Variants in FOXP1 observed in about 807,000 individuals in gnomAD.
The protein encoded by FOXP1 is forkhead box P1.
Under a neutral mutation model 98.2 loss-of-function variants are expected in FOXP1, and 15 were observed. The observed-to-expected ratio is 0.15, with a 90% CI of 0.10 to 0.24. FOXP1 has a LOEUF of 0.24. Ranked by LOEUF, FOXP1 falls within the 10% of genes least tolerant of loss-of-function variation. The probability of loss-of-function intolerance (pLI) is 1.00; values close to 1 mark genes in which losing one functional copy is unlikely to be tolerated. For synonymous variants in FOXP1, 371 were observed against 314.5 expected (o/e 1.18, Z -1.90); for missense variants, 633 against 848.5 (o/e 0.75, Z 3.15).
At chr3:70,969,896 A>G (rs977149851) in intron 19 of FOXP1, 1 of 152,270 alleles carries the variant, frequency 6.6e-6, no homozygotes, top group Non-Finnish European at 1.5e-5. Flanking sequence ...ACCACTGGCC[A>G]AAAGGATACT....
Position 71,549,229 on chromosome 3 carries a change from C to T in FOXP1, c.-298+32320G>A, listed in dbSNP as rs549780798. Among the ~76,000 whole-genome samples, 56 of 152,220 alleles carry T rather than the reference C, an allele frequency of 3.7e-4. 1 individual carries two copies. The highest frequency in any genetic ancestry group is 1.2e-3 in the African/African-American group (51 of 41,530). ...ATACACCACTTAGAACTAACACAAC[C>T]GAAAGAATGATAAATTAAATAACCT... On this transcript the variant is annotated intron_variant, in intron 2 of 20. Coordinates refer to ENST00000649528, the MANE Select transcript of FOXP1 (RefSeq NM_001349338.3).
rs562458657 is a variant in FOXP1, at chr3:71,185,507, T to C, written c.180+12695A>G. 2.0e-5 allele frequency among the ~76,000 whole-genome samples: 3 copies of C among 152,322 alleles called. No individual in the cohort carries two copies. The South Asian group carries it at 6.2e-4, about 32-fold the overall frequency. ...ATTCAATATAAACGTTTGTGAAATA[T>C]GGACAACACCAACTAAATTATCACA... On this transcript the variant is annotated intron_variant, in intron 6 of 20. Coordinates refer to ENST00000649528, the MANE Select transcript of FOXP1 (RefSeq NM_001349338.3).
At chr3:71,532,081 C>T (rs2043898605) in intron 2 of FOXP1, among the ~76,000 whole-genome samples, 1 of 152,170 alleles carries the variant, frequency 6.6e-6, no homozygotes. Context: ...GTTCCTCCAT[C>T]ACCTGGCACA....
chr3:70,965,966 C>A lies in FOXP1; in HGVS notation c.1813G>T (p.Glu605Ter). 1 of 1,614,148 alleles carries A rather than the reference C, an allele frequency of 6.2e-7. No individual in the cohort carries two copies. The highest frequency in any genetic ancestry group is 8.5e-7 in the Non-Finnish European group (1 of 1,180,024). ...LGNLASAIREELNGAMEHTNS... is the reference protein window; with the variant it reads ...LGNLASAIRE ...GTATGCTCCATTGCCCCGTTCAGCT[C>A]TTCCCGTATTGCGCTGGCTAAGTTG... is the stretch of plus-strand genomic sequence containing the variant. The change falls in exon 20 of 21, where the codon GAG (glutamate) becomes TAG (stop). Residue 605 changes from glutamate to a stop codon, truncating the protein, a stop_gained. Coordinates refer to ENST00000649528, the MANE Select transcript of FOXP1 (RefSeq NM_001349338.3). LOFTEE classifies it high-confidence loss of function.
chr3:71,419,559 T>C (rs1158736540), intron 3 of FOXP1, among the ~76,000 whole-genome samples: 4 of 152,060 alleles, frequency 2.6e-5, no homozygotes, highest in Admixed American at 6.5e-5. Flanking sequence ...TGGATCTCCA[T>C]GAACATTCTT....
At chr3:71,311,103 A>G (rs1231548477) in intron 4 of FOXP1, among the ~76,000 whole-genome samples, 3 of 152,202 alleles carry the variant, frequency 2.0e-5, no homozygotes, top group South Asian at 2.1e-4. Flanking sequence ...TTTTTGAGAC[A>G]TGGTCTCACT....
At chr3:71,583,791 G>T, upstream of FOXP1, 1 of 986,842 alleles carries the variant, frequency 1.0e-6, no homozygotes, top group Non-Finnish European at 1.2e-6. Context: ...GCTTCCCGGA[G>T]CCCAGCCAGC....
intron 3 of FOXP1, among the ~76,000 whole-genome samples, chr3:71,387,406 T>C (rs1235596968): frequency 6.6e-6 from 1 of 152,258 alleles, no homozygotes; most frequent in Non-Finnish European, 1.5e-5. Context: ...TAACTCAATA[T>C]TGTATTGCTA....
intron 6 of FOXP1, among the ~76,000 whole-genome samples, chr3:71,179,659 T>C (rs953950209): frequency 1.2e-4 from 18 of 152,220 alleles, no homozygotes; most frequent in Non-Finnish European, 2.5e-4. Context: ...GCTAGCTCTT[T>C]TCTCATCTAT....
rs537868572 is a variant in FOXP1 at position 71,564,806 on chromosome 3, T to C, written c.-298+16743A>G. On this transcript the variant is annotated intron_variant, in intron 2 of 20. Coordinates refer to ENST00000649528, the MANE Select transcript of FOXP1 (RefSeq NM_001349338.3). ...CATAACATTTTTGGAGGATGGAAAT[T>C]GAAAAGAGAAAGAAAATAAATCAAA... is the stretch of plus-strand genomic sequence containing the variant. Among the ~76,000 whole-genome samples, 3 of 152,296 alleles carry C rather than the reference T, an allele frequency of 2.0e-5. No homozygotes were observed. In the East Asian group the frequency reaches 5.8e-4, roughly 29 times the overall value.
chr3:71,567,129 T>C (rs2046973602), intron 2 of FOXP1, among the ~76,000 whole-genome samples: 1 of 152,218 alleles, frequency 6.6e-6, no homozygotes, highest in African/African-American at 2.4e-5. Context: ...ATAAGATTTT[T>C]AAACTTCCCC....
intron 13 of FOXP1, among the ~76,000 whole-genome samples, chr3:70,989,990 T>G (rs2040358200): frequency 6.6e-6 from 1 of 152,200 alleles, no homozygotes; most frequent in South Asian, 2.1e-4. Flanking sequence ...ACCTAGAATT[T>G]GTATACACAG....
At chr3:71,513,666 G>A (rs2042360869) in intron 2 of FOXP1, among the ~76,000 whole-genome samples, 1 of 152,184 alleles carries the variant, frequency 6.6e-6, no homozygotes, top group Non-Finnish European at 1.5e-5. Context: ...GAAAGTTCAT[G>A]ATGTGGAATG....
At chr3:71,338,908 C>A (rs142594963) in intron 4 of FOXP1, among the ~76,000 whole-genome samples, 2 of 152,306 alleles carry the variant, frequency 1.3e-5, no homozygotes, top group African/African-American at 4.8e-5. Context: ...AAGAAACACA[C>A]TAGCTTTGAG....
intron 5 of FOXP1, among the ~76,000 whole-genome samples, chr3:71,298,199 C>G (rs7625992): frequency 0.93 from 141,766 of 152,234 alleles, 66,332 homozygotes; most frequent in Non-Finnish European, 0.98. Flanking sequence ...GGGAGCAGTG[C>G]CTCACGCCTG....
At chr3:71,578,385 T>A (rs933767896) in intron 2 of FOXP1, among the ~76,000 whole-genome samples, 2 of 152,356 alleles carry the variant, frequency 1.3e-5, no homozygotes, top group African/African-American at 4.8e-5. Flanking sequence ...TTTATTAACG[T>A]ATACCTAAAA....
chr3:71,417,624 A>G (rs72959380), intron 3 of FOXP1, among the ~76,000 whole-genome samples: 1 of 152,128 alleles, frequency 6.6e-6, no homozygotes, highest in Non-Finnish European at 1.5e-5. Flanking sequence ...TTAGGAGACA[A>G]AAATTGACTA....
intron 14 of FOXP1, among the ~76,000 whole-genome samples, chr3:70,984,748 G>A (rs1032120671): frequency 6.6e-6 from 1 of 152,102 alleles, no homozygotes; most frequent in African/African-American, 2.4e-5. Context: ...GCCGTCGAAG[G>A]AGTCTGAGGG....
chr3:71,539,470 C>A (rs2044617184), intron 2 of FOXP1, among the ~76,000 whole-genome samples: 1 of 149,070 alleles, frequency 6.7e-6, no homozygotes, highest in Non-Finnish European at 1.5e-5. Context: ...CCTGGCATTT[C>A]CATATGACTT....
Sources: allele counts gnomAD v4.1 joint callset (sites outside exome capture counted in the v4.1 genomes callset), GRCh38; gene constraint gnomAD v4.1.1; transcripts MANE v1.5; gene names NCBI Gene and HGNC (gene_info 2026-07-23, HGNC 2026-07-21).